The following GNB1 variants were observed in gnomAD, a reference collection of about 807,000 sequenced individuals.
The protein encoded by GNB1 is guanine nucleotide-binding protein G(I)/G(S)/G(T) subunit beta-1.
Under a neutral mutation model 42.9 loss-of-function variants are expected in GNB1, and 2 were observed. The ratio of observed to expected loss-of-function variants is 0.05; its 90% CI spans 0.02 to 0.15. The LOEUF (loss-of-function observed/expected upper bound fraction) is 0.15. Ranked by LOEUF, GNB1 falls within the 10% of genes least tolerant of loss-of-function variation. The probability of loss-of-function intolerance (pLI) is 1.00; values close to 1 mark genes in which losing one functional copy is unlikely to be tolerated. For missense variants in GNB1, 193 were observed against 462.2 expected (o/e 0.42, Z 5.34); for synonymous variants, 183 against 174.7 (o/e 1.05, Z -0.38).
intron 2 of GNB1, among the ~76,000 whole-genome samples, chr1:1,836,241 T>TG (rs1295175649): frequency 6.6e-6 from 1 of 152,078 alleles, no homozygotes; most frequent in Non-Finnish European, 1.5e-5. Context: ...GCCATTCTAA[T>TG]GGGGGCGTGG....
intron 1 of GNB1, among the ~76,000 whole-genome samples, chr1:1,885,837 CG>C (rs1650123126): frequency 6.8e-6 from 1 of 147,610 alleles, no homozygotes. Flanking sequence ...GGATTACAGG[CG>C]TGAGCCACCG....
At chr1:1,870,349 CTT>C (rs35784156) in intron 1 of GNB1, among the ~76,000 whole-genome samples, 1 of 151,984 alleles carries the variant, frequency 6.6e-6, no homozygotes, top group African/African-American at 2.4e-5. Flanking sequence ...GTTTTTTAAA[CTT>C]TTTGTAGAGA....
intron 1 of GNB1, among the ~76,000 whole-genome samples, chr1:1,888,394 G>C (rs1175822218): frequency 1.3e-5 from 2 of 151,772 alleles, no homozygotes; most frequent in East Asian, 1.9e-4. Flanking sequence ...GCGGGCGGGG[G>C]GAGCACTTTC....
At chr1:1,885,500 C>T (rs932543169) in intron 1 of GNB1, among the ~76,000 whole-genome samples, 1 of 149,468 alleles carries the variant, frequency 6.7e-6, no homozygotes, top group Admixed American at 6.7e-5. Flanking sequence ...ATGGGTCTTT[C>T]TCAGAATTCT....
Position 1,805,087 on chromosome 1 carries a change from G to A in GNB1, c.268-506C>T, listed in dbSNP as rs546131235. Among the ~76,000 whole-genome samples the A allele has an allele frequency of 4.6e-5, 7 of 152,264 alleles. No homozygotes were observed. In the East Asian group the frequency reaches 5.8e-4, roughly 13 times the overall value. Reference sequence around the variant, plus strand: ...TGGGGCAGGAGAATCACTTGAACCCGGGAGGCGGAGGTTGCAGTGAGCTGA... The same window carrying A: ...TGGGGCAGGAGAATCACTTGAACCCAGGAGGCGGAGGTTGCAGTGAGCTGA... On this transcript the variant is annotated intron_variant, in intron 6 of 11. Transcript: ENST00000378609.
At chr1:1,817,230 G>A (rs923318192) in intron 4 of GNB1, among the ~76,000 whole-genome samples, 15 of 152,230 alleles carry the variant, frequency 9.9e-5, no homozygotes, top group Non-Finnish European at 1.5e-4. Flanking sequence ...TCTCACTATC[G>A]TAATATTTAT....
intron 2 of GNB1, among the ~76,000 whole-genome samples, chr1:1,826,981 A>C (rs1223235537): frequency 1.3e-5 from 2 of 152,230 alleles, no homozygotes; most frequent in African/African-American, 4.8e-5. Flanking sequence ...TAGCTCTCAC[A>C]TGCAAGTACG....
rs116233074 is a variant in GNB1, at chr1:1,829,706, G to A, written c.-46-4207C>T. Reference sequence around the variant, plus strand: ...AAGCATGATGCTTTTGTGTGTACAAGAAGGACAAACGCCAATGCCAGGGCA... The same window carrying A: ...AAGCATGATGCTTTTGTGTGTACAAAAAGGACAAACGCCAATGCCAGGGCA... On this transcript the variant is annotated intron_variant, in intron 2 of 11. Transcript: ENST00000378609. Among the ~76,000 whole-genome samples the A allele has an allele frequency of 8.4e-3, 1,280 of 152,040 alleles. 22 individuals are homozygous for A. Among genetic ancestry groups the A allele is most frequent in the African/African-American group, 0.03 (1,228 of 41,528 alleles).
intron 1 of GNB1, among the ~76,000 whole-genome samples, chr1:1,885,626 G>C (rs527258744): frequency 7.2e-6 from 1 of 139,840 alleles, no homozygotes; most frequent in Non-Finnish European, 1.5e-5. Context: ...GCACGATCTC[G>C]GCTCACTGCA....
intron 7 of GNB1, among the ~76,000 whole-genome samples, chr1:1,798,953 G>C (rs565897717): frequency 6.9e-6 from 1 of 144,970 alleles, no homozygotes; most frequent in Non-Finnish European, 1.5e-5. Flanking sequence ...ACGGAGTCTC[G>C]CTGTCGCCCA....
intron 7 of GNB1, among the ~76,000 whole-genome samples, chr1:1,795,060 G>A (rs1570626142): frequency 6.6e-6 from 1 of 152,090 alleles, no homozygotes. Context: ...TATTAACTAC[G>A]TGCCTACGAA....
Position 1,888,657 on chromosome 1 carries a change from G to A in GNB1, c.-96+2163C>T, listed in dbSNP as rs147023682. 3.5e-3 allele frequency among the ~76,000 whole-genome samples: 533 copies of A among 152,256 alleles called. 2 individuals are homozygous for A. Among genetic ancestry groups the A allele is most frequent in the Middle Eastern group, 0.014 (4 of 294 alleles). On this transcript the variant is annotated intron_variant, in intron 1 of 11. Transcript: ENST00000378609. ...GTTGGAGACCAGCTTGGCCAACATG[G>A]TGAAACCCTATCTCTACTAAAAATA...
At chr1:1,834,822 C>A (rs568830628) in intron 2 of GNB1, among the ~76,000 whole-genome samples, 5 of 152,160 alleles carry the variant, frequency 3.3e-5, no homozygotes, top group African/African-American at 1.2e-4. Context: ...GCGCCTGCCA[C>A]TATGCCCTGC....
chr1:1,828,195 C>T (rs1441722564), intron 2 of GNB1, among the ~76,000 whole-genome samples: 1 of 152,098 alleles, frequency 6.6e-6, no homozygotes, highest in Non-Finnish European at 1.5e-5. Flanking sequence ...GTGGTGTGTG[C>T]CTGTAATCCC....
At chr1:1,797,489 A>G (rs1038219180) in intron 7 of GNB1, among the ~76,000 whole-genome samples, 1 of 151,654 alleles carries the variant, frequency 6.6e-6, no homozygotes, top group Non-Finnish European at 1.5e-5. Flanking sequence ...CCCAGGCTGG[A>G]GTGCAGTGGT....
At chr1:1,867,112 CA>C (rs1648986227) in intron 1 of GNB1, among the ~76,000 whole-genome samples, 1 of 151,812 alleles carries the variant, frequency 6.6e-6, no homozygotes, top group Admixed American at 6.6e-5. Flanking sequence ...ATTAAAAATA[CA>C]AAAATTAGCC....
Position 1,789,091 on chromosome 1 carries a change from T to C in GNB1, c.878A>G (p.Asn293Ser), listed in dbSNP as rs1435721727. Residue 293 changes from asparagine (N) to serine (S), a missense_variant, in exon 10 of 12, where the codon AAC becomes AGC. Asn to Ser is a conservative substitution (Grantham distance 46, BLOSUM62 1). This residue lies in a region of GNB1 where 150 missense variants were observed against 410.8 expected (regional missense o/e 0.37). Transcript: ENST00000378609. The stretch of plus-strand genomic sequence containing the variant: ...TTTGAGTGCATCCCAGACGTTGCAG[T>C]TGAAGTCGTCGTACCCAGCAAGGAG... ...RLLLAGYDDF[N>S]CNVWDALKAD... 2 of 1,614,168 alleles carry C rather than the reference T, an allele frequency of 1.2e-6. No individual in the cohort carries two copies. Among genetic ancestry groups the C allele is most frequent in the Non-Finnish European group, 1.7e-6 (2 of 1,180,030 alleles).
At chr1:1,824,703 G>T (rs1343096306) in intron 3 of GNB1, among the ~76,000 whole-genome samples, 3 of 151,998 alleles carry the variant, frequency 2.0e-5, no homozygotes, top group Admixed American at 2.0e-4. Flanking sequence ...CTCCTGAGTA[G>T]CTGGGAATAC....
chr1:1,864,350 C>T (rs12036384), intron 1 of GNB1, among the ~76,000 whole-genome samples: 32,902 of 122,330 alleles, frequency 0.27, 4,169 homozygotes, highest in Non-Finnish European at 0.31. Context: ...GAAAACCCCA[C>T]GAAAAAACTA....
Sources: gnomAD v4.1 joint callset for allele counts (sites outside exome capture counted in the v4.1 genomes callset) on GRCh38, gnomAD v4.1.1 for gene constraint, gnomAD v4.1.1 regional missense constraint, MANE v1.5 for transcripts, NCBI Gene and HGNC (gene_info 2026-07-23, HGNC 2026-07-21) for gene names.